UBE4B: variants seen among roughly 807,000 people sequenced by gnomAD.
UBE4B encodes ubiquitin conjugation factor E4 B.
UBE4B carries 27 observed loss-of-function variants against 148.1 expected under a neutral mutation model. The observed-to-expected ratio is 0.18, with a 90% CI of 0.13 to 0.25. The LOEUF (loss-of-function observed/expected upper bound fraction) is 0.25, where lower values mean the gene tolerates loss of function less well. Among genes scored for constraint, UBE4B ranks in the 10% least tolerant of loss-of-function variants. The pLI, the probability that UBE4B is intolerant of heterozygous loss-of-function variation, is 1.00. For missense variants in UBE4B, 1,170 were observed against 1,662.4 expected (o/e 0.70, Z 5.15); for synonymous variants, 596 against 619.3 (o/e 0.96, Z 0.56).
intron 1 of UBE4B, among the ~76,000 whole-genome samples, chr1:10,069,593 G>T (rs145914083): frequency 2.0e-5 from 3 of 152,082 alleles, no homozygotes; most frequent in Non-Finnish European, 4.4e-5. Flanking sequence ...GGAGTGCAGC[G>T]GTGCGATATT....
intron 1 of UBE4B, among the ~76,000 whole-genome samples, chr1:10,065,615 T>C (rs1376529711): frequency 6.6e-6 from 1 of 152,196 alleles, no homozygotes; most frequent in African/African-American, 2.4e-5. Flanking sequence ...GGGCGATTGC[T>C]AGTGTTCCCA....
chr1:10,153,201 G>A (rs1449560765), intron 21 of UBE4B, among the ~76,000 whole-genome samples: 2 of 151,984 alleles, frequency 1.3e-5, no homozygotes, highest in African/African-American at 2.4e-5. Flanking sequence ...GAATCACAAA[G>A]CCAACTACAA....
chr1:10,053,172 G>A (rs1352507227), intron 1 of UBE4B, among the ~76,000 whole-genome samples: 2 of 151,666 alleles, frequency 1.3e-5, no homozygotes, highest in Non-Finnish European at 2.9e-5. Context: ...ATTTTGAGTC[G>A]GAGTCTCTCT....
At chr1:10,178,489 G>A (rs1646460069) in intron 25 of UBE4B, among the ~76,000 whole-genome samples, 155 bp from the exon 26 acceptor site, 1 of 152,096 alleles carries the variant, frequency 6.6e-6, no homozygotes, top group Admixed American at 6.6e-5. Flanking sequence ...AATGCATAAA[G>A]ACGGATATAT....
In UBE4B at chr1:10,161,113, G is replaced by T; in HGVS notation, c.3054-29G>T. On this transcript the variant is annotated intron_variant, in intron 22 of 27. Coordinates refer to ENST00000343090, the MANE Select transcript of UBE4B (RefSeq NM_001105562.3). This position sits in a 1 kb window ranked among gnomAD's most constrained non-coding sequence, Gnocchi z 4.1. ...GGCATTTTGCTTCAGGGAGATGTAT[G>T]ACCATGTACAATATAATTGCCTTTC... The T allele has an allele frequency of 6.2e-7, 1 of 1,609,376 alleles. No individual in the cohort carries two copies. The highest frequency in any genetic ancestry group is 1.1e-5 in the South Asian group (1 of 90,608).
Position 10,123,761 on chromosome 1 carries a change from G to GTTGTT in UBE4B, c.1554+1708_1554+1712dup, listed in dbSNP as rs901948982. On this transcript the variant is annotated intron_variant, in intron 10 of 27. Transcript: ENST00000343090. ...ATTCATATAACATCAAACCACCGTT[G>GTTGTT]TTGTTTTGTTTTGTTTTGTTTTGTT... Among the ~76,000 whole-genome samples the GTTGTT allele has an allele frequency of 1.1e-4, 16 of 152,098 alleles. No homozygotes were observed. In the East Asian group the frequency reaches 1.7e-3, roughly 17 times the overall value.
chr1:10,068,592 C>G (rs1356623161), intron 1 of UBE4B, among the ~76,000 whole-genome samples: 1 of 152,098 alleles, frequency 6.6e-6, no homozygotes, highest in Non-Finnish European at 1.5e-5. Flanking sequence ...CTCGGGCCAT[C>G]TGCCTGCCTT....
At chr1:10,146,803 T>A (rs1268638232) in intron 18 of UBE4B, among the ~76,000 whole-genome samples, 160 bp from the exon 19 acceptor site, 1 of 152,064 alleles carries the variant, frequency 6.6e-6, no homozygotes, top group East Asian at 1.9e-4. Flanking sequence ...AGGAAAAAGG[T>A]CTTGAGACAC....
At chr1:10,164,783 C>G (rs1048298839) in intron 23 of UBE4B, among the ~76,000 whole-genome samples, 3 of 152,130 alleles carry the variant, frequency 2.0e-5, no homozygotes, top group Non-Finnish European at 4.4e-5. Flanking sequence ...GCACTCAGCC[C>G]TTAGGCTTCA....
In UBE4B at chr1:10,178,675, T is replaced by G; in HGVS notation, c.3557T>G (p.Val1186Gly). ...TACAGTAAGGAATTGTTTGAAGAAG[T>G]TATTTCAAAGATGCGGAAGGCAGGG... ...RSYSKELFEE[V>G]ISKMRKAGIK... The change falls in exon 26 of 28, where the codon GTT becomes GGT. Residue 1186 changes from valine to glycine, a missense_variant. By Grantham distance (109) the Val-to-Gly change is moderately radical. This residue lies in a region of UBE4B where 348 missense variants were observed against 627.2 expected (regional missense o/e 0.55). Transcript: ENST00000343090. 6.2e-7 allele frequency: 1 copy of G among 1,612,976 alleles called. No homozygotes were observed. Among genetic ancestry groups the G allele is most frequent in the Non-Finnish European group, 8.5e-7 (1 of 1,179,742 alleles).
chr1:10,146,377 G>A (rs1283559756), intron 18 of UBE4B, among the ~76,000 whole-genome samples: 1 of 152,098 alleles, frequency 6.6e-6, no homozygotes, highest in Non-Finnish European at 1.5e-5. Context: ...GCTTGAACCT[G>A]GTAGGCAGAG....
chr1:10,036,190 C>G (rs1266291488), intron 1 of UBE4B, among the ~76,000 whole-genome samples: 1 of 151,378 alleles, frequency 6.6e-6, no homozygotes, highest in Non-Finnish European at 1.5e-5. Context: ...GCATTACAGA[C>G]CAGTGAAGAT....
chr1:10,100,868 A>T (rs1644999907), intron 3 of UBE4B: 1 of 462,572 alleles, frequency 2.2e-6, no homozygotes, highest in African/African-American at 2.0e-5. Flanking sequence ...ATATACTTTT[A>T]AAAAGTAAGC....
chr1:10,034,769 G>T (rs1413953619), intron 1 of UBE4B, among the ~76,000 whole-genome samples: 1 of 152,194 alleles, frequency 6.6e-6, no homozygotes, highest in Non-Finnish European at 1.5e-5. Flanking sequence ...ATTCTCCTGG[G>T]ATAGGACACG....
intron 11 of UBE4B, chr1:10,128,204 G>C (rs1318640782): frequency 1.3e-5 from 2 of 152,184 alleles, no homozygotes; most frequent in African/African-American, 4.8e-5. Context: ...TTGGGTTGTG[G>C]TGTGAATTAG....
chr1:10,126,538 C>T (rs552072495), intron 10 of UBE4B, among the ~76,000 whole-genome samples: 1 of 152,282 alleles, frequency 6.6e-6, no homozygotes, highest in South Asian at 2.1e-4. Flanking sequence ...TGTTGAATTA[C>T]TGGGGGTCCT....
chr1:10,055,540 A>G (rs1171636548), intron 1 of UBE4B, among the ~76,000 whole-genome samples: 6 of 151,944 alleles, frequency 3.9e-5, no homozygotes, highest in Non-Finnish European at 8.8e-5. Context: ...CTGGTTTCCA[A>G]CTCCTGGCTT....
In UBE4B at chr1:10,126,816, G is replaced by T; in HGVS notation, c.1577G>T (p.Gly526Val). Residue 526 changes from glycine (G) to valine (V), a missense_variant, in exon 11 of 28, where the codon GGC becomes GTC. By Grantham distance (109) the Gly-to-Val change is moderately radical. Coordinates refer to ENST00000343090, the MANE Select transcript of UBE4B (RefSeq NM_001105562.3). ...FKQIFIPILQ[G>V]LALAAKECSL... ...TAGATATTTATCCCCATTTTACAAG[G>T]CCTGGCTCTTGCTGCCAAAGAGTGC... The T allele has an allele frequency of 6.2e-7, 1 of 1,613,720 alleles. No individual in the cohort carries two copies. Among genetic ancestry groups the T allele is most frequent in the Non-Finnish European group, 8.5e-7 (1 of 1,179,860 alleles).
At chr1:10,148,086 G>A (rs1437421333) in intron 19 of UBE4B, among the ~76,000 whole-genome samples, 1 of 152,000 alleles carries the variant, frequency 6.6e-6, no homozygotes, top group Non-Finnish European at 1.5e-5. Flanking sequence ...AATTAGCTGG[G>A]CGCTGTGGCG....
Sources: allele counts gnomAD v4.1 joint callset (sites outside exome capture counted in the v4.1 genomes callset), GRCh38; gene constraint gnomAD v4.1.1; regional missense constraint gnomAD v4.1.1; non-coding constraint Gnocchi (gnomAD v3.1); transcripts MANE v1.5; gene names NCBI Gene and HGNC (gene_info 2026-07-23, HGNC 2026-07-21).